Variants in SF3A1 observed in about 807,000 individuals in gnomAD.
SF3A1 encodes splicing factor 3a subunit 1.
A neutral mutation model predicts 89.9 loss-of-function variants in SF3A1; 13 were observed. The observed-to-expected ratio is 0.14, with a 90% CI of 0.09 to 0.23. SF3A1 has a LOEUF of 0.23. SF3A1 is among the 10% of genes least tolerant of loss of function. The pLI, the probability that SF3A1 is intolerant of heterozygous loss-of-function variation, is 1.00. For missense variants in SF3A1, 604 were observed against 1,022.1 expected (o/e 0.59, Z 5.58); for synonymous variants, 405 against 374.4 (o/e 1.08, Z -0.94).
intron 4 of SF3A1, among the ~76,000 whole-genome samples, chr22:30,343,812 T>C (rs946936127): frequency 5.3e-5 from 8 of 152,358 alleles, no homozygotes; most frequent in Admixed American, 1.3e-4. Flanking sequence ...TTAGCTACCA[T>C]ACTAGCTTCT....
Position 30,335,955 on chromosome 22 carries a change from A to G in SF3A1, c.2107-202T>C, listed in dbSNP as rs112225145. ...GATTAGGTTTCTTTTCTTTAAAACA[A>G]TCTCTATCTTGTCTCTTGGTGAGTC... On this transcript the variant is annotated intron_variant, in intron 13 of 15. Coordinates refer to ENST00000215793, the MANE Select transcript of SF3A1 (RefSeq NM_005877.6). 4.3e-4 allele frequency among the ~76,000 whole-genome samples: 65 copies of G among 152,290 alleles called. 2 individuals carry two copies. The highest frequency in any genetic ancestry group is 1.5e-3 in the African/African-American group (64 of 41,564).
At chr22:30,355,816 C>CCA (rs1931790169) in intron 1 of SF3A1, among the ~76,000 whole-genome samples, 1 of 20,010 alleles carries the variant, frequency 5.0e-5, no homozygotes, top group African/African-American at 2.6e-4. Flanking sequence ...CAGTCATGTT[C>CCA]CCCCCCCCCG....
intron 5 of SF3A1, 54 bp downstream of exon 5, chr22:30,342,751 A>G: frequency 8.6e-7 from 1 of 1,166,680 alleles, no homozygotes; most frequent in Non-Finnish European, 1.3e-6. Context: ...GTTTTCAGAC[A>G]TAAAACAGAA....
Position 30,334,491 on chromosome 22 carries a change from T to C in SF3A1, c.*103A>G, listed in dbSNP as rs1802515788. ...CCAAACTGAGTAAGAGCGAAACAAATATGCAGGCAAGGCAAAGCCTCAGGG... is the reference window on the plus strand; with the variant it reads ...CCAAACTGAGTAAGAGCGAAACAAACATGCAGGCAAGGCAAAGCCTCAGGG... On this transcript the variant is annotated 3_prime_UTR_variant, in exon 16 of 16. Transcript: ENST00000215793. The C allele has an allele frequency of 1.2e-5, 8 of 678,516 alleles. No individual in the cohort carries two copies. The highest frequency in any genetic ancestry group is 2.9e-5 in the East Asian group (1 of 34,182). The allele number at this position is 678,516 out of a possible 1,614,324, so 42.0% of individuals were successfully genotyped here. A position where few individuals can be genotyped will look rare whatever the true frequency, so the allele number is the denominator to read the frequency against.
chr22:30,342,648 G>C, intron 5 of SF3A1, 157 bp downstream of exon 5: 1 of 639,730 alleles, frequency 1.6e-6, no homozygotes, highest in Non-Finnish European at 2.7e-6. Context: ...GGAAGCATCC[G>C]GACTCCAGGT....
At chr22:30,346,218 T>A (rs1033245017) in intron 3 of SF3A1, 94 bp downstream of exon 3, 1 of 845,376 alleles carries the variant, frequency 1.2e-6, no homozygotes, top group Non-Finnish European at 2.0e-6. Context: ...TCTCCCTGGG[T>A]GGTTGTGAGA....
chr22:30,355,195 T>C (rs1241554552), intron 1 of SF3A1, among the ~76,000 whole-genome samples: 2 of 152,124 alleles, frequency 1.3e-5, no homozygotes, highest in African/African-American at 2.4e-5. Context: ...TTATTTTTAG[T>C]AGAGACAGTT....
intron 2 of SF3A1, among the ~76,000 whole-genome samples, chr22:30,347,063 A>G (rs910657206): frequency 3.3e-5 from 5 of 152,226 alleles, no homozygotes; most frequent in African/African-American, 1.2e-4. Context: ...AGTAACAAGA[A>G]AGACTGAAAG....
intron 6 of SF3A1, 145 bp downstream of exon 6, chr22:30,342,055 A>T: frequency 8.4e-7 from 1 of 1,192,938 alleles, no homozygotes; most frequent in Non-Finnish European, 1.2e-6. Flanking sequence ...AAGTGGTAGA[A>T]CTGAAGTCTT....
chr22:30,356,889 G>A lies in SF3A1; in HGVS notation c.-97C>T, dbSNP rs1356753655. On this transcript the variant is annotated 5_prime_UTR_variant, in exon 1 of 16. Coordinates refer to ENST00000215793, the MANE Select transcript of SF3A1 (RefSeq NM_005877.6). ...CTCGGTCAGTACGACGAGCTCGCAA[G>A]ATGGCGGCGGCCGAGCGAGTTGCGG... 6 of 1,093,244 alleles carry A rather than the reference G, an allele frequency of 5.5e-6. No homozygotes were observed. The highest frequency in any genetic ancestry group is 3.2e-5 in the African/African-American group (2 of 61,698). The allele number at this position is 1,093,244 out of a possible 1,614,324, so 67.7% of individuals were successfully genotyped here.
chr22:30,355,613 G>C (rs763698336), intron 1 of SF3A1, among the ~76,000 whole-genome samples: 5 of 152,062 alleles, frequency 3.3e-5, no homozygotes, highest in Non-Finnish European at 5.9e-5. Flanking sequence ...AGTAAGAATC[G>C]CATCTCCTGC....
chr22:30,341,557 G>C, intron 7 of SF3A1, 135 bp downstream of exon 7: 1 of 602,886 alleles, frequency 1.7e-6, no homozygotes, highest in Admixed American at 2.9e-5. Context: ...GACTTGGGCA[G>C]CTGTATGGCC....
At chr22:30,349,547 G>A (rs1304337936) in intron 2 of SF3A1, among the ~76,000 whole-genome samples, 1 of 152,144 alleles carries the variant, frequency 6.6e-6, no homozygotes, top group Non-Finnish European at 1.5e-5. Context: ...TTCCCAAAGT[G>A]CTGGGATTAC....
chr22:30,340,466 A>G, intron 8 of SF3A1, 85 bp from the exon 9 acceptor site: 1 of 1,345,294 alleles, frequency 7.4e-7, no homozygotes, highest in Non-Finnish European at 1.1e-6. Flanking sequence ...TGCATCATTC[A>G]TCAAGGCATC....
intron 2 of SF3A1, among the ~76,000 whole-genome samples, chr22:30,348,551 G>C (rs1453973266): frequency 6.6e-6 from 1 of 152,116 alleles, no homozygotes; most frequent in Non-Finnish European, 1.5e-5. Flanking sequence ...CTGTGCCCCA[G>C]ATCAACCACC....
chr22:30,335,359 C>T lies in SF3A1; in HGVS notation c.2280+108G>A, dbSNP rs750264481. 63 of 951,534 alleles carry T rather than the reference C, an allele frequency of 6.6e-5. 1 individual carries two copies. The Middle Eastern group carries it at 4.0e-3, about 60-fold the overall frequency. The allele number at this position is 951,534 out of a possible 1,614,324, so 58.9% of individuals were successfully genotyped here. A position where few individuals can be genotyped will look rare whatever the true frequency, so the allele number is the denominator to read the frequency against. On this transcript the variant is annotated intron_variant, in intron 15 of 15. Transcript: ENST00000215793. ...CTTCTAGGATGGATTCAGATGGCCA[C>T]ACCCAGATATCACTCCACTCCCCTT...
intron 2 of SF3A1, among the ~76,000 whole-genome samples, chr22:30,349,050 G>A (rs1037950079): frequency 1.3e-5 from 2 of 152,176 alleles, no homozygotes; most frequent in Non-Finnish European, 2.9e-5. Flanking sequence ...CCAGCTGGTG[G>A]GACTTTTTAA....
At chr22:30,345,312 T>C in intron 3 of SF3A1, 122 bp from the exon 4 acceptor site, 1 of 898,806 alleles carries the variant, frequency 1.1e-6, no homozygotes. Flanking sequence ...AGACTTCTGT[T>C]AATTATGCAC....
At chr22:30,344,308 G>A (rs539594052) in intron 4 of SF3A1, among the ~76,000 whole-genome samples, 5 of 152,306 alleles carry the variant, frequency 3.3e-5, no homozygotes, top group African/African-American at 1.2e-4. Flanking sequence ...AGAAGATGCT[G>A]CATACATAAT....
Sources: allele counts gnomAD v4.1 joint callset (sites outside exome capture counted in the v4.1 genomes callset), GRCh38; gene constraint gnomAD v4.1.1; transcripts MANE v1.5; gene names NCBI Gene and HGNC (gene_info 2026-07-23, HGNC 2026-07-21).